ESRRG: variants seen among roughly 807,000 people sequenced by gnomAD.
ESRRG encodes estrogen related receptor gamma.
In ESRRG, 13 loss-of-function variants were observed where a neutral mutation model predicts 44.0. The observed-to-expected ratio is 0.30, with a 90% CI of 0.19 to 0.47. The LOEUF (loss-of-function observed/expected upper bound fraction) is 0.47. Among genes scored for constraint, ESRRG ranks in the 20% least tolerant of loss-of-function variants. The pLI is 1.00. For missense variants in ESRRG, 395 were observed against 580.6 expected (o/e 0.68, Z 3.29); for synonymous variants, 215 against 214.6 (o/e 1.00, Z -0.02).
upstream of ESRRG, among the ~76,000 whole-genome samples, chr1:216,725,882 A>G (rs567935016): frequency 6.6e-6 from 1 of 152,198 alleles, no homozygotes; most frequent in South Asian, 2.1e-4. Flanking sequence ...GAACCTCTTT[A>G]TTACTCCTTT....
intron 3 of ESRRG, among the ~76,000 whole-genome samples, chr1:216,569,884 T>C (rs6685419): frequency 0.012 from 1,779 of 152,282 alleles, 38 homozygotes; most frequent in African/African-American, 0.04. Flanking sequence ...GGAAGCTACA[T>C]AGCACATGCA....
chr1:216,984,544 C>A (rs1043430648), intron 1 of ESRRG, among the ~76,000 whole-genome samples: 1 of 152,166 alleles, frequency 6.6e-6, no homozygotes, highest in Non-Finnish European at 1.5e-5. Context: ...AAAGTGCTTA[C>A]TAGAGGAAAT....
In ESRRG at chr1:216,889,597, C is replaced by A. The variant is rs184021573; in HGVS notation, c.-14+49985G>T. ...CACCATACTCTGATTTCACCTAAAT[C>A]TCTGGAAGCCAAATGAGGTGCTGTC... On this transcript the variant is annotated intron_variant, in intron 2 of 7. Transcript: ENST00000359162. 2.0e-3 allele frequency among the ~76,000 whole-genome samples: 301 copies of A among 152,310 alleles called. 1 individual carries two copies. The highest frequency in any genetic ancestry group is 6.1e-3 in the African/African-American group (252 of 41,568).
intron 3 of ESRRG, among the ~76,000 whole-genome samples, chr1:216,599,831 A>G (rs547442074): frequency 6.6e-6 from 1 of 152,002 alleles, no homozygotes; most frequent in Non-Finnish European, 1.5e-5. Flanking sequence ...AGGAAAAAAA[A>G]AAAAAGAAAG....
At chr1:216,622,521 G>A (rs1003689879) in intron 3 of ESRRG, among the ~76,000 whole-genome samples, 82 of 151,828 alleles carry the variant, frequency 5.4e-4, no homozygotes, top group African/African-American at 1.8e-3. Flanking sequence ...TGGCCTACAC[G>A]TTGTAAAAAT....
At chr1:216,877,835 C>G (rs185938691) in intron 2 of ESRRG, among the ~76,000 whole-genome samples, 228 of 152,252 alleles carry the variant, frequency 1.5e-3, no homozygotes, top group African/African-American at 4.2e-3. Flanking sequence ...TTGCTATGTA[C>G]ACACCTAGAC....
chr1:217,026,263 C>CA (rs1215741960), intron 1 of ESRRG, among the ~76,000 whole-genome samples: 2 of 152,164 alleles, frequency 1.3e-5, no homozygotes, highest in South Asian at 2.1e-4. Context: ...TCCAATTGGC[C>CA]AAATGGAGGG....
chr1:216,992,817 T>C (rs1477726768), intron 1 of ESRRG, among the ~76,000 whole-genome samples: 1 of 152,200 alleles, frequency 6.6e-6, no homozygotes, highest in African/African-American at 2.4e-5. Context: ...ATTATAACAA[T>C]AGTTACCATT....
intron 3 of ESRRG, among the ~76,000 whole-genome samples, chr1:216,569,112 GAA>G (rs2060240030): frequency 2.7e-5 from 1 of 36,782 alleles, no homozygotes; most frequent in African/African-American, 8.3e-5. Flanking sequence ...AAGGAAGGAA[GAA>G]GGAAGGAAGG....
upstream of ESRRG, among the ~76,000 whole-genome samples, chr1:217,093,859 TTTA>T (rs530895805): frequency 1.4e-3 from 217 of 151,490 alleles, 1 homozygote; most frequent in African/African-American, 4.9e-3. Flanking sequence ...GATAAAATTA[TTTA>T]TTATTATATT....
intron 1 of ESRRG, among the ~76,000 whole-genome samples, chr1:217,036,248 T>G (rs543823442): frequency 2.0e-5 from 3 of 152,192 alleles, no homozygotes; most frequent in Admixed American, 6.5e-5. Context: ...TGGAAGACAG[T>G]GTGGTGATTT....
At chr1:216,611,211 CAAAAAAAAA>C (rs397861468) in intron 3 of ESRRG, among the ~76,000 whole-genome samples, 13 of 60,424 alleles carry the variant, frequency 2.2e-4, no homozygotes, top group African/African-American at 2.5e-4. Context: ...ACTCCGTCCT[CAAAAAAAAA>C]AAAAAAAAAA....
At chr1:216,693,338 G>T (rs2079454235) in intron 1 of ESRRG, among the ~76,000 whole-genome samples, 1 of 152,100 alleles carries the variant, frequency 6.6e-6, no homozygotes, top group Admixed American at 6.5e-5. Flanking sequence ...TGCGATGTTG[G>T]CCAGGTTGGT....
Position 217,066,903 on chromosome 1 carries a change from G to A in ESRRG, c.-106+22604C>T, listed in dbSNP as rs373183887. Among the ~76,000 whole-genome samples the A allele has an allele frequency of 1.6e-3, 250 of 152,300 alleles. 1 individual carries two copies. Among genetic ancestry groups the A allele is most frequent in the African/African-American group, 5.5e-3 (229 of 41,556 alleles). On this transcript the variant is annotated intron_variant, in intron 1 of 7. Coordinates refer to the ESRRG transcript ENST00000359162. ...TGAAATAGATGAATGAACTACAGAC[G>A]TAAGTTCTCTAAAATGTGCCTCGAA...
intron 1 of ESRRG, among the ~76,000 whole-genome samples, chr1:217,122,328 G>A (rs1580631443): frequency 6.6e-6 from 1 of 152,262 alleles, no homozygotes; most frequent in Non-Finnish European, 1.5e-5. Context: ...CATGGGAATA[G>A]ACCAGAAAAA....
chr1:217,111,072 G>T (rs1478831309), intron 1 of ESRRG, among the ~76,000 whole-genome samples: 1 of 152,122 alleles, frequency 6.6e-6, no homozygotes, highest in African/African-American at 2.4e-5. Flanking sequence ...TTGCTCCAAG[G>T]GTGCAGCCAT....
intron 1 of ESRRG, among the ~76,000 whole-genome samples, chr1:217,026,912 C>CACACACACACAGAGAGAG (rs1255637839): frequency 1.5e-3 from 142 of 93,442 alleles, no homozygotes; most frequent in South Asian, 3.3e-3. Context: ...CACACACACA[C>CACACACACACAGAGAGAG]AGAGAGAGAG....
At chr1:216,846,231 C>G (rs995647830) in intron 2 of ESRRG, among the ~76,000 whole-genome samples, 1 of 152,108 alleles carries the variant, frequency 6.6e-6, no homozygotes, top group Non-Finnish European at 1.5e-5. Flanking sequence ...AATATTTCCA[C>G]GTCTTTACGT....
At chr1:216,692,940 C>T (rs756028362) in intron 1 of ESRRG, among the ~76,000 whole-genome samples, 4 of 152,092 alleles carry the variant, frequency 2.6e-5, no homozygotes, top group South Asian at 4.2e-4. Context: ...TGGATGTTCA[C>T]GTAAGGAAAC....
Sources: gnomAD v4.1 joint callset for allele counts (sites outside exome capture counted in the v4.1 genomes callset) on GRCh38, gnomAD v4.1.1 for gene constraint, MANE v1.5 for transcripts, NCBI Gene and HGNC (gene_info 2026-07-23, HGNC 2026-07-21) for gene names.